PDE6C: variants seen among roughly 807,000 people sequenced by gnomAD.
PDE6C encodes the protein phosphodiesterase 6C.
PDE6C carries 75 observed loss-of-function variants against 113.1 expected under a neutral mutation model. The ratio of observed to expected loss-of-function variants is 0.66; its 90% CI spans 0.55 to 0.80. PDE6C has a LOEUF of 0.80. Ranked by LOEUF, PDE6C falls within the 30% of genes least tolerant of loss-of-function variation. PDE6C has a pLI of 0.00. For missense variants in PDE6C, 912 were observed against 1,038.6 expected (o/e 0.88, Z 1.67); for synonymous variants, 375 against 363.7 (o/e 1.03, Z -0.35).
At chr10:93,663,261 G>A (rs974135632) in intron 21 of PDE6C, 83 bp downstream of exon 21, 8 of 1,383,174 alleles carry the variant, frequency 5.8e-6, no homozygotes, top group East Asian at 4.7e-5. Context: ...GCCATAAAGA[G>A]TCACCACAAA....
Position 93,654,798 on chromosome 10 carries a change from CTTTCTTTCTTTCTTTTT to C in PDE6C, c.1936-958_1936-942del, listed in dbSNP as rs1182424661. On this transcript the variant is annotated intron_variant, in intron 15 of 21. Coordinates refer to ENST00000371447, the MANE Select transcript of PDE6C (RefSeq NM_006204.4). ...TCTTTCTTTCTTTCTTTCTTTCTTT[CTTTCTTTCTTTCTTTTT>C]TTTTTTTTTTGAAACAGGGTCTCTC... Among the ~76,000 whole-genome samples the C allele has an allele frequency of 1.3e-4, 12 of 92,630 alleles. No individual in the cohort carries two copies. The East Asian group carries it at 2.9e-3, about 22-fold the overall frequency. The allele number at this position is 92,630 out of a possible 152,430, so 60.8% of individuals were successfully genotyped here.
At chr10:93,663,653 G>C in intron 21 of PDE6C, among the ~76,000 whole-genome samples, 1 of 149,772 alleles carries the variant, frequency 6.7e-6, no homozygotes, top group Non-Finnish European at 1.5e-5. Flanking sequence ...CCTACATGTA[G>C]AGTAAGGCTG....
chr10:93,616,462 C>G (rs2058420064), intron 1 of PDE6C, among the ~76,000 whole-genome samples: 1 of 152,080 alleles, frequency 6.6e-6, no homozygotes, highest in Non-Finnish European at 1.5e-5. Context: ...GTTTCTACCC[C>G]TAAGAAATGG....
intron 15 of PDE6C, among the ~76,000 whole-genome samples, chr10:93,646,784 C>T (rs1461857486): frequency 6.6e-6 from 1 of 152,156 alleles, no homozygotes; most frequent in African/African-American, 2.4e-5. Context: ...AATCCAATCA[C>T]CTCCCACCAG....
At chr10:93,622,650 GTT>G (rs71031523) in intron 4 of PDE6C, among the ~76,000 whole-genome samples, 30 of 107,464 alleles carry the variant, frequency 2.8e-4, no homozygotes, top group East Asian at 8.0e-4. Context: ...TTTTTTTTTT[GTT>G]TTTTTTTTTG....
intron 18 of PDE6C, among the ~76,000 whole-genome samples, chr10:93,660,752 CCTGG>C (rs1367536718): frequency 2.6e-5 from 4 of 152,096 alleles, no homozygotes. Flanking sequence ...AAGCTAGAAA[CCTGG>C]GGTCCTGCTT....
intron 1 of PDE6C, among the ~76,000 whole-genome samples, chr10:93,613,940 A>G (rs986044920): frequency 1.3e-5 from 2 of 152,220 alleles, no homozygotes; most frequent in Non-Finnish European, 2.9e-5. Flanking sequence ...GATGCCCCTT[A>G]TAGAAATAGA....
intron 4 of PDE6C, 120 bp downstream of exon 4, chr10:93,622,192 A>G (rs2058449974): frequency 1.9e-6 from 2 of 1,068,584 alleles, no homozygotes; most frequent in Admixed American, 1.7e-5. Context: ...ATTGATGACA[A>G]GAACAGAGGT....
At chr10:93,661,385 C>A (rs1367506013) in intron 18 of PDE6C, among the ~76,000 whole-genome samples, 1 of 152,162 alleles carries the variant, frequency 6.6e-6, no homozygotes, top group Non-Finnish European at 1.5e-5. Context: ...AACATAAATG[C>A]CACCTCCTTC....
intron 15 of PDE6C, among the ~76,000 whole-genome samples, chr10:93,648,698 A>G (rs1243819937): frequency 1.3e-5 from 2 of 152,190 alleles, no homozygotes; most frequent in East Asian, 1.9e-4. Context: ...ACAGAAATCA[A>G]TGCTTTAACC....
At chr10:93,619,669 G>T (rs986301689) in intron 1 of PDE6C, among the ~76,000 whole-genome samples, 13 of 152,222 alleles carry the variant, frequency 8.5e-5, no homozygotes, top group African/African-American at 3.1e-4. Context: ...CAGGTGATCC[G>T]CCTGCCTTGG....
rs199704992 is a variant in PDE6C at position 93,646,060 on chromosome 10, C to T, written c.1935+13C>T. On this transcript the variant is annotated intron_variant, in intron 15 of 21. Transcript: ENST00000371447. ...GTTGCAGGATGAGGTACGTAAACCT[C>T]TCTTTAGGACAGCTAAACACAAATT... The T allele has an allele frequency of 3.9e-4, 530 of 1,376,302 alleles. 2 individuals are homozygous for T. Among genetic ancestry groups the T allele is most frequent in the Middle Eastern group, 3.6e-3 (20 of 5,622 alleles). 85.3% of individuals were successfully genotyped at this position (1,376,302 alleles called of 1,614,324 possible).
chr10:93,627,474 T>C (rs1169313630), intron 7 of PDE6C, among the ~76,000 whole-genome samples: 1 of 152,160 alleles, frequency 6.6e-6, no homozygotes, highest in African/African-American at 2.4e-5. Context: ...ATGACTATGA[T>C]TTAATGACTG....
Position 93,625,626 on chromosome 10 carries a change from G to A in PDE6C, c.916G>A (p.Gly306Ser), listed in dbSNP as rs767644884. The change falls in exon 5 of 22, where the codon GGT becomes AGT. Residue 306 changes from glycine (G) to serine (S), a missense_variant. Gly to Ser is a moderately conservative substitution (Grantham distance 56, BLOSUM62 0). Transcript: ENST00000371447. Reference protein sequence around the residue: ...IKLGEVEPYKGPKTPDGREVN... With the variant: ...IKLGEVEPYKSPKTPDGREVN... ...GCTTGGAGAAGTAGAGCCTTATAAA[G>A]GTCCAAAGACACCTGATGGCAGGGT... 1.9e-6 allele frequency: 3 copies of A among 1,613,280 alleles called. No individual in the cohort carries two copies. The highest frequency in any genetic ancestry group is 2.5e-6 in the Non-Finnish European group (3 of 1,179,238).
chr10:93,613,518 C>A (rs767076300), intron 1 of PDE6C, among the ~76,000 whole-genome samples: 1 of 152,308 alleles, frequency 6.6e-6, no homozygotes, highest in East Asian at 1.9e-4. Flanking sequence ...CCCTCCCTTA[C>A]GCCTCCTCCA....
chr10:93,613,733 A>G (rs2058404862), intron 1 of PDE6C, among the ~76,000 whole-genome samples: 3 of 152,230 alleles, frequency 2.0e-5, no homozygotes, highest in Admixed American at 2.0e-4. Flanking sequence ...CAAAGAGAAA[A>G]AATGATGCCA....
In PDE6C at chr10:93,662,135, TA is replaced by T; in HGVS notation, c.2283+4del. On this transcript the variant is annotated splice_donor_region_variant and intron_variant, in intron 19 of 21. Coordinates refer to ENST00000371447, the MANE Select transcript of PDE6C (RefSeq NM_006204.4). ...ACAGTGTTGCAGCAACAACCCATTG[TA>T]AGACCTTGACATAAAAATGTATTAC... is the stretch of plus-strand genomic sequence containing the variant. 1 of 1,584,644 alleles carries T rather than the reference TA, an allele frequency of 6.3e-7. No homozygotes were observed. Among genetic ancestry groups the T allele is most frequent in the Non-Finnish European group, 8.7e-7 (1 of 1,153,216 alleles).
chr10:93,624,501 G>T (rs1248351745), intron 4 of PDE6C, among the ~76,000 whole-genome samples: 1 of 152,204 alleles, frequency 6.6e-6, no homozygotes, highest in African/African-American at 2.4e-5. Context: ...GCCTCTCAAA[G>T]TGCTGGGATT....
chr10:93,628,418 T>C (rs2058484722), intron 7 of PDE6C, among the ~76,000 whole-genome samples: 1 of 151,926 alleles, frequency 6.6e-6, no homozygotes, highest in Non-Finnish European at 1.5e-5. Flanking sequence ...AACCTTGTCT[T>C]TACTAAAAAT....
Sources: gnomAD v4.1 joint callset for allele counts (sites outside exome capture counted in the v4.1 genomes callset) on GRCh38, gnomAD v4.1.1 for gene constraint, MANE v1.5 for transcripts, NCBI Gene and HGNC (gene_info 2026-07-23, HGNC 2026-07-21) for gene names.